Variants in SNED1 observed in about 807,000 individuals in gnomAD.
The protein encoded by SNED1 is sushi, nidogen and EGF-like domain-containing protein 1.
In SNED1, 81 loss-of-function variants were observed where a neutral mutation model predicts 166.7. The ratio of observed to expected loss-of-function variants is 0.49; its 90% confidence interval spans 0.41 to 0.58. The LOEUF is 0.58. SNED1 is among the 20% of genes least tolerant of loss of function. The pLI is 0.00. For missense variants in SNED1, 1,604 were observed against 2,000.2 expected (o/e 0.80, Z 3.78); for synonymous variants, 762 against 822.0 (o/e 0.93, Z 1.25).
chr2:241,003,891 A>G (rs920890591), intron 1 of SNED1, among the ~76,000 whole-genome samples: 1 of 152,276 alleles, frequency 6.6e-6, no homozygotes, highest in African/African-American at 2.4e-5. Context: ...GACCAAAAAA[A>G]TGTTGGTTAT....
In SNED1 at chr2:241,043,979, A is replaced by C. The variant is rs545118857; in HGVS notation, c.1273+3566A>C. On this transcript the variant is annotated intron_variant, in intron 8 of 31. Transcript: ENST00000310397. ...ATTGTAAGGTCCCTATATTACATAA[A>C]GTGGTATATACTGTTTGAAGGTAGG... Among the ~76,000 whole-genome samples the C allele has an allele frequency of 3.9e-5, 6 of 152,376 alleles. No homozygotes were observed. In the South Asian group the frequency reaches 1.2e-3, roughly 32 times the overall value.
At chr2:241,050,224 A>C (rs1383729191) in intron 12 of SNED1, among the ~76,000 whole-genome samples, 2 of 152,198 alleles carry the variant, frequency 1.3e-5, no homozygotes, top group African/African-American at 2.4e-5. Flanking sequence ...CATTATATCA[A>C]ATTTTATTTT....
At chr2:241,084,576 T>C (rs915311527) in intron 29 of SNED1, among the ~76,000 whole-genome samples, 3 of 152,238 alleles carry the variant, frequency 2.0e-5, no homozygotes, top group Non-Finnish European at 4.4e-5. Context: ...CTCCCATCCT[T>C]TGAATTATTA....
chr2:241,063,359 A>G (rs1381256929), intron 17 of SNED1: 3 of 572,706 alleles, frequency 5.2e-6, no homozygotes, highest in African/African-American at 1.9e-5. Context: ...AGTGGCCTGG[A>G]GGAAGGCATG....
intron 14 of SNED1, 37 bp downstream of exon 14, chr2:241,052,194 G>A (rs957689118): frequency 6.4e-7 from 1 of 1,568,364 alleles, no homozygotes; most frequent in Non-Finnish European, 8.8e-7. Flanking sequence ...GGCGGCCAGG[G>A]GTGAACCCTC....
intron 16 of SNED1, among the ~76,000 whole-genome samples, chr2:241,058,071 A>G (rs1261649967): frequency 1.1e-4 from 16 of 152,222 alleles, no homozygotes; most frequent in Admixed American, 9.8e-4. Context: ...TTCCTAAAAC[A>G]TAAGACTATA....
intron 5 of SNED1, 81 bp from the exon 6 acceptor site, chr2:241,037,159 C>T (rs1244315387): frequency 4.0e-6 from 5 of 1,263,612 alleles, no homozygotes; most frequent in East Asian, 5.1e-5. Context: ...CCTCCTCCGT[C>T]CCCGGCCCAA....
At chr2:241,023,888 CTTTTTTTT>C (rs34234341) in intron 1 of SNED1, among the ~76,000 whole-genome samples, 1 of 91,994 alleles carries the variant, frequency 1.1e-5, no homozygotes, top group Non-Finnish European at 1.9e-5. Context: ...TTTTTTTTTC[CTTTTTTTT>C]TTTTTTTTTT....
chr2:241,065,237 C>T, intron 20 of SNED1, 62 bp from the exon 21 acceptor site: 1 of 1,562,942 alleles, frequency 6.4e-7, no homozygotes, highest in Non-Finnish European at 8.7e-7. Context: ...CCGACGGGAG[C>T]CAGGCATGCA....
In SNED1 at chr2:241,073,736, G is replaced by A. The variant is rs541166647; in HGVS notation, c.3916+372G>A. On this transcript the variant is annotated intron_variant, in intron 27 of 31. Transcript: ENST00000310397. The surrounding 1 kb of genome is among the most constrained non-coding windows in gnomAD (Gnocchi z 6.6). The stretch of plus-strand genomic sequence containing the variant: ...CTCACTTCTCCAAAGAGGAGCAGGC[G>A]GAGTCAGGATGGGAGAAGCAGAGGG... 20 of 409,358 alleles carry A rather than the reference G, an allele frequency of 4.9e-5. No individual in the cohort carries two copies. In the South Asian group the frequency reaches 6.2e-4, roughly 13 times the overall value. The allele number at this position is 409,358 out of a possible 1,614,324, so 25.4% of individuals were successfully genotyped here.
rs1184253523 is a variant in SNED1 at position 241,030,393 on chromosome 2, T to C, written c.323T>C (p.Val108Ala). ...GTGGTGGCAGCCTTCTGGGCAGATGTGGACAACCGGCGTGCAGGCGACGTG... is the reference window on the plus strand; with the variant it reads ...GTGGTGGCAGCCTTCTGGGCAGATGCGGACAACCGGCGTGCAGGCGACGTG... ...RCVVAAFWADVDNRRAGDVYY... is the reference protein window; with the variant it reads ...RCVVAAFWADADNRRAGDVYY... The change falls in exon 2 of 32, where the codon GTG (valine) becomes GCG (alanine). Residue 108 changes from valine (V) to alanine (A), a missense_variant. Coordinates refer to ENST00000310397, the MANE Select transcript of SNED1 (RefSeq NM_001080437.3). 1 of 1,612,924 alleles carries C rather than the reference T, an allele frequency of 6.2e-7. No homozygotes were observed. The highest frequency in any genetic ancestry group is 2.2e-5 in the East Asian group (1 of 44,850).
At chr2:241,050,679 CTGCTTGGTT>C (rs2061810135) in intron 12 of SNED1, among the ~76,000 whole-genome samples, 1 of 152,228 alleles carries the variant, frequency 6.6e-6, no homozygotes, top group Non-Finnish European at 1.5e-5. Context: ...AAGACCCCAA[CTGCTTGGTT>C]CTTTGCAAGC....
chr2:241,068,793 C>G lies in SNED1; in HGVS notation c.3195-118C>G. 1 of 688,296 alleles carries G rather than the reference C, an allele frequency of 1.5e-6. No individual in the cohort carries two copies. Among genetic ancestry groups the G allele is most frequent in the Middle Eastern group, 2.5e-4 (1 of 3,946 alleles). 42.6% of individuals were successfully genotyped at this position (688,296 alleles called of 1,614,324 possible). A position where few individuals can be genotyped will look rare whatever the true frequency, so the allele number is the denominator to read the frequency against. Reference sequence around the variant, plus strand: ...CCCTCGTGGAGGTTGCCTGGGCCACCAGCAGCAGGATGACCTCCCCGCAGT... The same window carrying G: ...CCCTCGTGGAGGTTGCCTGGGCCACGAGCAGCAGGATGACCTCCCCGCAGT... On this transcript the variant is annotated intron_variant, in intron 22 of 31. Coordinates refer to ENST00000310397, the MANE Select transcript of SNED1 (RefSeq NM_001080437.3). This position sits in a 1 kb window ranked among gnomAD's most constrained non-coding sequence, Gnocchi z 5.3.
At chr2:241,011,006 G>A (rs1423017148) in intron 1 of SNED1, among the ~76,000 whole-genome samples, 2 of 152,022 alleles carry the variant, frequency 1.3e-5, no homozygotes, top group Non-Finnish European at 2.9e-5. Flanking sequence ...GCCTGCCGCA[G>A]CATCTCTACC....
chr2:241,052,448 TG>T lies in SNED1; in HGVS notation c.2066del (p.Gly689AspfsTer16). 6.2e-7 allele frequency: 1 copy of T among 1,610,166 alleles called. No individual in the cohort carries two copies. The highest frequency in any genetic ancestry group is 1.7e-5 in the Admixed American group (1 of 59,630). On this transcript the variant is annotated frameshift_variant, in exon 15 of 32. Transcript: ENST00000310397. LOFTEE classifies it high-confidence loss of function. ...TTCTGCCACTGCCAAGCAGGGTACA[TG>T]GGACGCCGGTGCCAGGCAGGTGAGA... ...DFFCHCQAGY[M>X]GRRCQAEVDC... is the part of the protein sequence containing the mutation.
intron 4 of SNED1, among the ~76,000 whole-genome samples, chr2:241,036,055 CGTCACAGGGTGGGGGGTGGGGGGT>C (rs2061355256): frequency 2.7e-5 from 1 of 36,726 alleles, no homozygotes; most frequent in African/African-American, 1.2e-4. Context: ...GGTGGAGGTG[CGTCACAGGGTGGGGGGTGGGGGGT>C]GGAGGCGCAT....
At position 241,033,771 on chromosome 2, in the gene SNED1, A is replaced by G; in HGVS notation, c.538A>G (p.Lys180Glu). 2 of 1,612,102 alleles carry G rather than the reference A, an allele frequency of 1.2e-6. No homozygotes were observed. The highest frequency in any genetic ancestry group is 1.7e-6 in the Non-Finnish European group (2 of 1,179,612). Residue 180 changes from lysine to glutamate, a missense_variant, in exon 3 of 32, where the codon AAG (lysine) becomes GAG (glutamate). Physicochemically the swap from Lys to Glu is moderately conservative, Grantham distance 56. Around this residue, in one of 2 missense-constraint regions of SNED1, gnomAD observed 1,237 missense variants for 1,620.8 expected, o/e 0.76. Transcript: ENST00000310397. ...TFQTVLITDG[K>E]LSFTIFNYES... The stretch of plus-strand genomic sequence containing the variant: ...CCAGACTGTGCTCATCACAGACGGC[A>G]AGCTCTCCTTCACCATCTTCAACTA...
In SNED1 at chr2:240,999,275, G is replaced by A. The variant is rs999482135; in HGVS notation, c.213+225G>A. 1.2e-4 allele frequency among the ~76,000 whole-genome samples: 18 copies of A among 150,306 alleles called. No homozygotes were observed. In the East Asian group the frequency reaches 2.0e-3, roughly 16 times the overall value. ...GGCGGCAGCCGCCGGGCACCGAGGC[G>A]GGGGCGAGTGGAGCGCGGCGCCCCG... On this transcript the variant is annotated intron_variant, in intron 1 of 31. Transcript: ENST00000310397. This position sits in a 1 kb window ranked among gnomAD's most constrained non-coding sequence, Gnocchi z 5.8.
chr2:241,072,915 G>A, intron 26 of SNED1: 2 of 323,794 alleles, frequency 6.2e-6, no homozygotes. Context: ...CCTCCAAGAA[G>A]CAGGGGTGGA....
Sources: allele counts gnomAD v4.1 joint callset (sites outside exome capture counted in the v4.1 genomes callset), GRCh38; gene constraint gnomAD v4.1.1; regional missense constraint gnomAD v4.1.1; non-coding constraint Gnocchi (gnomAD v3.1); transcripts MANE v1.5; gene names NCBI Gene and HGNC (gene_info 2026-07-23, HGNC 2026-07-21).